The following AUTS2 variants were observed in gnomAD, a reference collection of about 807,000 sequenced individuals.
AUTS2 encodes activator of transcription and developmental regulator AUTS2.
AUTS2 carries 17 observed loss-of-function variants against 112.4 expected under a neutral mutation model. The ratio of observed to expected loss-of-function variants is 0.15; its 90% CI spans 0.10 to 0.23. The LOEUF is 0.23. Ranked by LOEUF, AUTS2 falls within the 10% of genes least tolerant of loss-of-function variation. The probability of loss-of-function intolerance (pLI) is 1.00; values close to 1 mark genes in which losing one functional copy is unlikely to be tolerated. For synonymous variants in AUTS2, 751 were observed against 702.7 expected, an observed-to-expected ratio of 1.07 and a Z score of -1.09; for missense variants, 1,510 against 1,701.6, an observed-to-expected ratio of 0.89 and a Z score of 1.98.
intron 5 of AUTS2, among the ~76,000 whole-genome samples, chr7:70,554,180 T>G (rs2129520449): frequency 6.6e-6 from 1 of 150,736 alleles, no homozygotes; most frequent in Admixed American, 6.6e-5. Context: ...GTGATTCTCC[T>G]GCCTCAGCCT....
At chr7:70,098,613 CT>C (rs1362784511) in intron 2 of AUTS2, among the ~76,000 whole-genome samples, 4 of 151,708 alleles carry the variant, frequency 2.6e-5, no homozygotes, top group Non-Finnish European at 4.4e-5. Context: ...TGATTTTTTA[CT>C]TTTATAATTC....
chr7:70,689,196 A>T (rs1227895257), intron 5 of AUTS2, among the ~76,000 whole-genome samples: 1 of 152,082 alleles, frequency 6.6e-6, no homozygotes, highest in African/African-American at 2.4e-5. Context: ...ATCTCTAGAA[A>T]AAAATTTTTA....
At chr7:69,702,232 C>T (rs1015387266) in intron 1 of AUTS2, among the ~76,000 whole-genome samples, 2 of 152,244 alleles carry the variant, frequency 1.3e-5, no homozygotes, top group Admixed American at 1.3e-4. Flanking sequence ...TACATAGATT[C>T]ATAGAGGGAA....
chr7:70,529,847 G>A (rs1170341766), intron 5 of AUTS2, among the ~76,000 whole-genome samples: 1 of 152,212 alleles, frequency 6.6e-6, no homozygotes, highest in African/African-American at 2.4e-5. Context: ...GTATCCAGAA[G>A]CTCACTTATT....
At chr7:69,801,964 A>G (rs1363402052) in intron 1 of AUTS2, among the ~76,000 whole-genome samples, 1 of 152,162 alleles carries the variant, frequency 6.6e-6, no homozygotes, top group African/African-American at 2.4e-5. Flanking sequence ...CTGAGAAGGC[A>G]ACTCTTGAGT....
At chr7:70,415,971 A>G (rs1794971713) in intron 4 of AUTS2, among the ~76,000 whole-genome samples, 1 of 152,118 alleles carries the variant, frequency 6.6e-6, no homozygotes, top group African/African-American at 2.4e-5. Flanking sequence ...CTTGAACCCT[A>G]CGTGTGAGAG....
At chr7:70,647,788 G>A (rs182238890) in intron 5 of AUTS2, among the ~76,000 whole-genome samples, 13 of 152,308 alleles carry the variant, frequency 8.5e-5, no homozygotes, top group African/African-American at 3.1e-4. Context: ...GGCATACGTG[G>A]TACAAGGACT....
intron 2 of AUTS2, among the ~76,000 whole-genome samples, chr7:70,093,967 A>C (rs1804057847): frequency 6.6e-6 from 1 of 152,230 alleles, no homozygotes; most frequent in African/African-American, 2.4e-5. Flanking sequence ...GATAAAGCAA[A>C]TTGGAGAATC....
intron 2 of AUTS2, among the ~76,000 whole-genome samples, chr7:70,019,512 G>C (rs1336091257): frequency 2.6e-5 from 4 of 152,090 alleles, no homozygotes; most frequent in Non-Finnish European, 2.9e-5. Context: ...GGTTTGTGTA[G>C]GTCCATTTAA....
rs192084010 is a variant in AUTS2, at chr7:70,700,567, G to T, written c.742+1947G>T. Among the ~76,000 whole-genome samples the T allele has an allele frequency of 7.7e-3, 1,168 of 151,954 alleles. 11 individuals are homozygous for T. The highest frequency in any genetic ancestry group is 0.013 in the Non-Finnish European group (900 of 68,014). On this transcript the variant is annotated intron_variant, in intron 6 of 18. Coordinates refer to ENST00000342771, the MANE Select transcript of AUTS2 (RefSeq NM_015570.4). Reference sequence around the variant, plus strand: ...TGCAAAGTAGACTGACTGGTATCCCGCACCCCCTTTCCTCCCTGGGGAGAA... The same window carrying T: ...TGCAAAGTAGACTGACTGGTATCCCTCACCCCCTTTCCTCCCTGGGGAGAA...
chr7:69,939,881 G>C (rs1796556622), intron 2 of AUTS2, among the ~76,000 whole-genome samples: 1 of 152,158 alleles, frequency 6.6e-6, no homozygotes, highest in African/African-American at 2.4e-5. Context: ...AAGTGGAATT[G>C]GGATCACACA....
chr7:70,789,719 G>A lies in AUTS2; in HGVS notation c.2532-29G>A, dbSNP rs775967089. ...CCGACTCGCCCCTTTCATTTCATCT[G>A]CGTCCTTGTCTTCCCCTCTCTCCCC... is the stretch of plus-strand genomic sequence containing the variant. On this transcript the variant is annotated intron_variant, in intron 18 of 18. Transcript: ENST00000342771. 9.4e-6 allele frequency: 15 copies of A among 1,594,838 alleles called. No individual in the cohort carries two copies. In the Admixed American group the frequency reaches 2.6e-4, roughly 27 times the overall value.
At chr7:70,018,386 C>A (rs530453892) in intron 2 of AUTS2, among the ~76,000 whole-genome samples, 2 of 152,120 alleles carry the variant, frequency 1.3e-5, no homozygotes, top group African/African-American at 4.8e-5. Flanking sequence ...CACACTTTAT[C>A]AGGACTGAAG....
At chr7:69,655,953 A>G (rs1195933191) in intron 1 of AUTS2, among the ~76,000 whole-genome samples, 1 of 152,110 alleles carries the variant, frequency 6.6e-6, no homozygotes, top group Non-Finnish European at 1.5e-5. Flanking sequence ...GGGGACAGAA[A>G]CCTTATATCC....
At chr7:70,487,687 C>T (rs1411996799) in intron 5 of AUTS2, among the ~76,000 whole-genome samples, 1 of 152,152 alleles carries the variant, frequency 6.6e-6, no homozygotes, top group Non-Finnish European at 1.5e-5. Flanking sequence ...ACAGTGGGCT[C>T]TACAAGCTTT....
Position 69,599,599 on chromosome 7 carries a change from G to T in AUTS2, c.-55G>T. ...GCTCGGTGTCAATTTTTTTTTGTGT[G>T]GCTGCGGCCGTAGCCTGTGGCGGGC... On this transcript the variant is annotated 5_prime_UTR_variant, in exon 1 of 19. Transcript: ENST00000342771. The surrounding 1 kb of genome is among the most constrained non-coding windows in gnomAD (Gnocchi z 7.0). 8.0e-7 allele frequency: 1 copy of T among 1,249,528 alleles called. No individual in the cohort carries two copies. 77.4% of individuals were successfully genotyped at this position (1,249,528 alleles called of 1,614,324 possible).
rs749145508 is a variant in AUTS2 at position 70,789,778 on chromosome 7, C to T, written c.2562C>T (p.His854=). The change falls in exon 19 of 19, where the codon CAC becomes CAT. Residue 854 remains histidine, a synonymous_variant. Coordinates refer to ENST00000342771, the MANE Select transcript of AUTS2 (RefSeq NM_015570.4). Reference sequence around the variant, plus strand: ...GCGTCGAGAAGAGACACTCCAGCCACCCTTCACCAGCACCTGTCCTCCCGG... The same window carrying T: ...GCGTCGAGAAGAGACACTCCAGCCATCCTTCACCAGCACCTGTCCTCCCGG... ...RESVEKRHSS[H]PSPAPVLPVN... is the part of the protein sequence containing the mutation. 5 of 1,613,852 alleles carry T rather than the reference C, an allele frequency of 3.1e-6. No homozygotes were observed. The highest frequency in any genetic ancestry group is 3.3e-5 in the Admixed American group (2 of 59,992).
intron 5 of AUTS2, among the ~76,000 whole-genome samples, chr7:70,644,073 T>A (rs777439770): frequency 2.0e-4 from 30 of 152,240 alleles, no homozygotes; most frequent in Non-Finnish European, 4.0e-4. Context: ...TGGGAACTAC[T>A]GCTTCCGTTG....
intron 5 of AUTS2, among the ~76,000 whole-genome samples, chr7:70,555,228 AC>A (rs1366287199): frequency 6.6e-6 from 1 of 152,126 alleles, no homozygotes; most frequent in African/African-American, 2.4e-5. Context: ...CAAAACCAAG[AC>A]CCTGTTGGAG....
Sources: gnomAD v4.1 joint callset for allele counts (sites outside exome capture counted in the v4.1 genomes callset) on GRCh38, gnomAD v4.1.1 for gene constraint, Gnocchi (gnomAD v3.1) non-coding constraint, MANE v1.5 for transcripts, NCBI Gene and HGNC (gene_info 2026-07-23, HGNC 2026-07-21) for gene names.